FRK: variants seen among roughly 807,000 people sequenced by gnomAD.
FRK encodes fyn related Src family tyrosine kinase.
FRK carries 51 observed loss-of-function variants against 56.4 expected under a neutral mutation model. The observed-to-expected ratio is 0.90, with a 90% CI of 0.72 to 1.14. FRK has a LOEUF of 1.14. Ranked by LOEUF, FRK falls within the 50% of genes most tolerant of loss-of-function variation. The pLI is 0.00. For missense variants in FRK, 570 were observed against 601.4 expected, an observed-to-expected ratio of 0.95 and a Z score of 0.55; for synonymous variants, 245 against 217.9, an observed-to-expected ratio of 1.12 and a Z score of -1.10.
chr6:116,065,252 C>G (rs1228159557), upstream of FRK, among the ~76,000 whole-genome samples: 1 of 152,158 alleles, frequency 6.6e-6, no homozygotes. Context: ...ATCCCCAAAC[C>G]CTGCTAGGCC....
intron 5 of FRK, among the ~76,000 whole-genome samples, chr6:115,952,727 G>A (rs1262045378): frequency 6.6e-6 from 1 of 151,686 alleles, no homozygotes; most frequent in Non-Finnish European, 1.5e-5. Context: ...ATACACCATG[G>A]AATACTATGC....
At chr6:116,081,435 T>C in the FRK span, among the ~76,000 whole-genome samples, 2 of 152,128 alleles carry the variant, frequency 1.3e-5, no homozygotes, top group Non-Finnish European at 2.9e-5. Context: ...GGTGGGCGGA[T>C]CACCTGAGGT....
intron 2 of FRK, among the ~76,000 whole-genome samples, chr6:116,000,219 C>CTT (rs1562278724): frequency 1.9e-5 from 1 of 53,364 alleles, no homozygotes; most frequent in Non-Finnish European, 3.4e-5. Context: ...AAATATCATT[C>CTT]TTTCTTTTTT....
chr6:115,956,455 G>A lies in FRK; in HGVS notation c.955C>T (p.Gln319Ter). Reference sequence around the variant, plus strand: ...TTGTATTAAGTCTTTAGCTTACTTTGGAGATATTCTTGCAGACTTCCATGT... The same window carrying A: ...TTGTATTAAGTCTTTAGCTTACTTTAGAGATATTCTTGCAGACTTCCATGT... ...MRHGSLQEYLQNDTGSKIHLT... is the reference protein window; with the variant it reads ...MRHGSLQEYL Residue 319 changes from glutamine to a stop codon, truncating the protein, a stop_gained, in exon 5 of 8, where the codon CAA becomes TAA. Transcript: ENST00000606080. LOFTEE classifies it high-confidence loss of function. The A allele has an allele frequency of 6.6e-7, 1 of 1,522,750 alleles. No homozygotes were observed. The highest frequency in any genetic ancestry group is 8.8e-7 in the Non-Finnish European group (1 of 1,133,016). 94.3% of individuals were successfully genotyped at this position (1,522,750 alleles called of 1,614,324 possible).
chr6:116,038,084 C>T (rs1443921049), intron 1 of FRK, among the ~76,000 whole-genome samples: 3 of 152,100 alleles, frequency 2.0e-5, no homozygotes, highest in African/African-American at 7.2e-5. Flanking sequence ...GGAGACAGCA[C>T]CAATCAGCAT....
In FRK at chr6:115,944,299, A is replaced by G. The variant is rs146191498; in HGVS notation, c.1085T>C (p.Val362Ala). Residue 362 changes from valine (V) to alanine (A), a missense_variant, in exon 6 of 8, where the codon GTT (valine) becomes GCT (alanine). Physicochemically the swap from Val to Ala is moderately conservative, Grantham distance 64. Transcript: ENST00000606080. ...HRDLAARNVL[V>A]GEHNIYKVAD... ...TACTTTGTAGATATTATGTTCACCA[A>G]CGAGGACATTTCTGGCAGCCAGATC... The G allele has an allele frequency of 1.3e-4, 209 of 1,613,118 alleles. No homozygotes were observed. The African/African-American group carries it at 2.3e-3, about 18-fold the overall frequency.
In FRK at chr6:115,937,985, C is replaced by T. The variant is rs1437061221; in HGVS notation, c.*4429G>A. On this transcript the variant is annotated 3_prime_UTR_variant, in exon 8 of 8. Coordinates refer to ENST00000606080, the MANE Select transcript of FRK (RefSeq NM_002031.3). ...CTCTGGACCAAGTGGACCTAACAGA[C>T]ATCTACAGAATTCTCTACCCCAAAT... The T allele has an allele frequency of 6.6e-6, 1 of 152,212 alleles. No individual in the cohort carries two copies. The highest frequency in any genetic ancestry group is 1.5e-5 in the Non-Finnish European group (1 of 68,032). 9.4% of individuals were successfully genotyped at this position (152,212 alleles called of 1,614,324 possible). A position where few individuals can be genotyped will look rare whatever the true frequency, so the allele number is the denominator to read the frequency against.
At chr6:115,975,204 AT>A (rs1773948793) in intron 2 of FRK, among the ~76,000 whole-genome samples, 1 of 152,194 alleles carries the variant, frequency 6.6e-6, no homozygotes, top group African/African-American at 2.4e-5. Context: ...ATTCAAGTCA[AT>A]ATCTAATTTC....
intron 2 of FRK, among the ~76,000 whole-genome samples, chr6:115,991,860 T>C (rs893973909): frequency 6.6e-6 from 1 of 151,762 alleles, no homozygotes; most frequent in African/African-American, 2.4e-5. Flanking sequence ...AGCTCTTCTT[T>C]GTATGTCTAG....
At chr6:116,027,392 C>G (rs1776132607) in intron 1 of FRK, among the ~76,000 whole-genome samples, 1 of 152,050 alleles carries the variant, frequency 6.6e-6, no homozygotes, top group Non-Finnish European at 1.5e-5. Context: ...GAATTTAAGA[C>G]TGGTTTAAAA....
chr6:115,957,412 T>C (rs1273692158), intron 4 of FRK, among the ~76,000 whole-genome samples: 1 of 152,232 alleles, frequency 6.6e-6, no homozygotes, highest in African/African-American at 2.4e-5. Flanking sequence ...CATCAGTAAT[T>C]TTAAAATCTT....
Position 115,939,979 on chromosome 6 carries a change from C to CTA in FRK, c.*2434_*2435insTA, listed in dbSNP as rs1180846835. 6.6e-6 allele frequency: 1 copy of CTA among 152,174 alleles called. No individual in the cohort carries two copies. The highest frequency in any genetic ancestry group is 1.5e-5 in the Non-Finnish European group (1 of 68,036). The allele number at this position is 152,174 out of a possible 1,614,324, so 9.4% of individuals were successfully genotyped here. A position where few individuals can be genotyped will look rare whatever the true frequency, so the allele number is the denominator to read the frequency against. On this transcript the variant is annotated 3_prime_UTR_variant, in exon 8 of 8. Transcript: ENST00000606080. Reference sequence around the variant, plus strand: ...TTCTTCACAGAATTGGAAAAAACTACTTTAAACTTCATATGGAATCAAAAA... The same window carrying CTA: ...TTCTTCACAGAATTGGAAAAAACTACTATTTAAACTTCATATGGAATCAAAAA...
chr6:115,977,125 C>G (rs925666017), intron 2 of FRK, among the ~76,000 whole-genome samples: 1 of 151,614 alleles, frequency 6.6e-6, no homozygotes, highest in Admixed American at 6.6e-5. Context: ...AGAAATCATG[C>G]TAAGATAGCT....
chr6:116,031,520 T>A (rs1776303865), intron 1 of FRK, among the ~76,000 whole-genome samples: 1 of 152,158 alleles, frequency 6.6e-6, no homozygotes, highest in South Asian at 2.1e-4. Flanking sequence ...TTGAACAATT[T>A]GGATGGCAGA....
intron 5 of FRK, among the ~76,000 whole-genome samples, chr6:115,953,533 G>A (rs1479620351): frequency 1.3e-5 from 2 of 152,158 alleles, no homozygotes; most frequent in Non-Finnish European, 2.9e-5. Context: ...TGGGGAAGGG[G>A]CTATCTGCAG....
chr6:115,968,558 G>A lies in FRK; in HGVS notation c.630+18C>T, dbSNP rs778975090. ...AAGTTAACTTCAATAAAAAAACACA[G>A]CTTGAAAGCATTTTCACCTTTAAGC... On this transcript the variant is annotated intron_variant, in intron 3 of 7. Coordinates refer to ENST00000606080, the MANE Select transcript of FRK (RefSeq NM_002031.3). 5 of 1,601,260 alleles carry A rather than the reference G, an allele frequency of 3.1e-6. No individual in the cohort carries two copies. The highest frequency in any genetic ancestry group is 3.4e-6 in the Non-Finnish European group (4 of 1,174,866).
intron 2 of FRK, among the ~76,000 whole-genome samples, chr6:115,968,945 G>A (rs1773698191): frequency 6.6e-6 from 1 of 151,960 alleles, no homozygotes; most frequent in Admixed American, 6.6e-5. Context: ...CAATACTGAA[G>A]GAAATAGAAA....
the FRK span, among the ~76,000 whole-genome samples, chr6:116,095,888 A>C: frequency 6.6e-6 from 1 of 152,098 alleles, no homozygotes; most frequent in Non-Finnish European, 1.5e-5. Flanking sequence ...GGACAGTATG[A>C]GATGCCGCCC....
Position 115,931,246 on chromosome 6 carries a change from T to C in FRK, c.*11168A>G, listed in dbSNP as rs906374433. On this transcript the variant is annotated 3_prime_UTR_variant, in exon 8 of 8. Transcript: ENST00000606080. ...GTCAGGGTAAAAATAATCACTTTGA[T>C]ATAATTATCATAATAAATCCAGTGT... 5.3e-5 allele frequency: 8 copies of C among 152,230 alleles called. No homozygotes were observed. 9.4% of individuals were successfully genotyped at this position (152,230 alleles called of 1,614,324 possible). A position where few individuals can be genotyped will look rare whatever the true frequency, so the allele number is the denominator to read the frequency against.
Sources: gnomAD v4.1 joint callset for allele counts (sites outside exome capture counted in the v4.1 genomes callset) on GRCh38, gnomAD v4.1.1 for gene constraint, MANE v1.5 for transcripts, NCBI Gene and HGNC (gene_info 2026-07-23, HGNC 2026-07-21) for gene names.